The following TOPBP1 variants were observed in gnomAD, a reference collection of about 807,000 sequenced individuals.
TOPBP1 encodes the protein DNA topoisomerase II binding protein 1.
In TOPBP1, 28 loss-of-function variants were observed where a neutral mutation model predicts 167.7. That is an observed-to-expected ratio of 0.17 (90% CI 0.12 to 0.23). The LOEUF (loss-of-function observed/expected upper bound fraction) is 0.23. Among genes scored for constraint, TOPBP1 ranks in the 10% least tolerant of loss-of-function variants. The pLI is 1.00. For synonymous variants in TOPBP1, 598 were observed against 611.4 expected, an observed-to-expected ratio of 0.98 and a Z score of 0.32; for missense variants, 1,554 against 1,809.6, an observed-to-expected ratio of 0.86 and a Z score of 2.56.
At chr3:133,629,353 A>G (rs1050920633) in intron 14 of TOPBP1, among the ~76,000 whole-genome samples, 1 of 152,196 alleles carries the variant, frequency 6.6e-6, no homozygotes, top group African/African-American at 2.4e-5. Context: ...AGTCTTTTGC[A>G]AGTATAATGA....
At position 133,654,652 on chromosome 3, in the gene TOPBP1, T is replaced by G. The variant is rs62282426; in HGVS notation, c.742+638A>C. ...TTAACAAAACTCATCTTTTATCAAT[T>G]TGTGTATATTTTAAGAGTGCTGATA... On this transcript the variant is annotated intron_variant, in intron 6 of 27. Transcript: ENST00000260810. Among the ~76,000 whole-genome samples the G allele has an allele frequency of 6.2e-3, 949 of 152,314 alleles. 1 individual carries two copies. Among genetic ancestry groups the G allele is most frequent in the Non-Finnish European group, 0.01 (706 of 68,024 alleles).
rs1209584532 is a variant in TOPBP1, at chr3:133,623,365, G to A, written c.3021C>T (p.Gly1007=). 2 of 1,613,388 alleles carry A rather than the reference G, an allele frequency of 1.2e-6. No homozygotes were observed. Among genetic ancestry groups the A allele is most frequent in the African/African-American group, 1.3e-5 (1 of 75,020 alleles). ...MSLDISAVQD[G]RLCNSRLLSA... ...AGAGTAGTCGACTATTACAGAGCCGGCCATCTTGCACTGCGCTGATATCCA... is the reference window on the plus strand; with the variant it reads ...AGAGTAGTCGACTATTACAGAGCCGACCATCTTGCACTGCGCTGATATCCA... The change falls in exon 18 of 28, where the codon GGC becomes GGT. Residue 1007 remains glycine (G), a synonymous_variant. Coordinates refer to ENST00000260810, the MANE Select transcript of TOPBP1 (RefSeq NM_007027.4).
At chr3:133,659,570 T>C (rs983371474) in intron 2 of TOPBP1, among the ~76,000 whole-genome samples, 2 of 152,148 alleles carry the variant, frequency 1.3e-5, no homozygotes, top group Non-Finnish European at 2.9e-5. Context: ...AAGCCAACCA[T>C]AACCTCATTT....
In TOPBP1 at chr3:133,608,885, T is replaced by C; in HGVS notation, c.4251A>G (p.Ser1417=). Residue 1417 remains serine, a synonymous_variant, in exon 26 of 28, where the codon TCA becomes TCG. Transcript: ENST00000260810. Reference sequence around the variant, plus strand: ...ATTTGATACAAACCTTTGCTCCTCCTGACTGAAGAAGGCGTTTGAAGCCTG... The same window carrying C: ...ATTTGATACAAACCTTTGCTCCTCCCGACTGAAGAAGGCGTTTGAAGCCTG... The part of the protein sequence containing the change: ...REAGFKRLLQ[S]GGAKVLPGHS... The C allele has an allele frequency of 1.2e-6, 2 of 1,612,278 alleles. No individual in the cohort carries two copies.
rs1934584748 is a variant in TOPBP1 at position 133,608,867 on chromosome 3, A to G, written c.4263+6T>C. 1.2e-6 allele frequency: 2 copies of G among 1,606,270 alleles called. No homozygotes were observed. Among genetic ancestry groups the G allele is most frequent in the South Asian group, 2.2e-5 (2 of 89,118 alleles). On this transcript the variant is annotated splice_donor_region_variant and intron_variant, in intron 26 of 27. Coordinates refer to ENST00000260810, the MANE Select transcript of TOPBP1 (RefSeq NM_007027.4). ...AAAAAGGTCAGTAAATTAATTTGATACAAACCTTTGCTCCTCCTGACTGAA... is the reference window on the plus strand; with the variant it reads ...AAAAAGGTCAGTAAATTAATTTGATGCAAACCTTTGCTCCTCCTGACTGAA...
chr3:133,647,384 C>G (rs954410337), intron 10 of TOPBP1, among the ~76,000 whole-genome samples: 5 of 152,160 alleles, frequency 3.3e-5, no homozygotes, highest in Non-Finnish European at 5.9e-5. Context: ...TCTGGGGTAA[C>G]AAACCCCTAC....
At chr3:133,618,581 C>A in intron 20 of TOPBP1, 148 bp from the exon 21 acceptor site, 1 of 623,246 alleles carries the variant, frequency 1.6e-6, no homozygotes, top group South Asian at 3.6e-5. Flanking sequence ...AATAAATGAA[C>A]CTAGGGACAT....
At chr3:133,613,537 A>C (rs1401772645) in intron 23 of TOPBP1, among the ~76,000 whole-genome samples, 2 of 152,228 alleles carry the variant, frequency 1.3e-5, no homozygotes, top group African/African-American at 4.8e-5. Flanking sequence ...ATTTTTTATG[A>C]GTGGAAATAA....
intron 20 of TOPBP1, among the ~76,000 whole-genome samples, chr3:133,618,997 G>T (rs1331150010): frequency 6.6e-6 from 1 of 151,016 alleles, no homozygotes; most frequent in Non-Finnish European, 1.5e-5. Flanking sequence ...TTTATGGTGC[G>T]ATTGTAATGA....
At chr3:133,610,838 C>G (rs982219094) in intron 25 of TOPBP1, among the ~76,000 whole-genome samples, 166 bp downstream of exon 25, 3 of 151,800 alleles carry the variant, frequency 2.0e-5, no homozygotes, top group African/African-American at 7.3e-5. Context: ...GCAATATGGG[C>G]CACATTTTAC....
At chr3:133,627,740 C>T (rs1242058111) in intron 16 of TOPBP1, among the ~76,000 whole-genome samples, 5 of 152,116 alleles carry the variant, frequency 3.3e-5, no homozygotes, top group Admixed American at 6.6e-5. Flanking sequence ...GGAGTACAGT[C>T]AACTCAGGAC....
At chr3:133,650,365 G>GTGTGT (rs1936247396) in intron 8 of TOPBP1, among the ~76,000 whole-genome samples, 1 of 111,692 alleles carries the variant, frequency 9.0e-6, no homozygotes, top group African/African-American at 3.3e-5. Context: ...GTGTGTGTGT[G>GTGTGT]GGGGGCGGGG....
chr3:133,604,338 T>C (rs188955682), intron 27 of TOPBP1, among the ~76,000 whole-genome samples: 1 of 151,760 alleles, frequency 6.6e-6, no homozygotes, highest in East Asian at 1.9e-4. Flanking sequence ...GGTTTCGCTA[T>C]GTTGGCCAGG....
chr3:133,635,682 C>CTACT (rs770796802), intron 14 of TOPBP1, among the ~76,000 whole-genome samples: 1 of 152,190 alleles, frequency 6.6e-6, no homozygotes, highest in Non-Finnish European at 1.5e-5. Flanking sequence ...ACTCAACACA[C>CTACT]TACTGGTGGA....
At chr3:133,653,811 T>G (rs1269052453) in intron 6 of TOPBP1, among the ~76,000 whole-genome samples, 1 of 152,044 alleles carries the variant, frequency 6.6e-6, no homozygotes, top group East Asian at 1.9e-4. Context: ...TTTGTATTTT[T>G]AGTAGACACG....
chr3:133,641,426 C>T (rs1053718849), intron 12 of TOPBP1, among the ~76,000 whole-genome samples: 3 of 152,100 alleles, frequency 2.0e-5, no homozygotes, highest in Non-Finnish European at 1.5e-5. Flanking sequence ...AGTACAGTGG[C>T]GCCACTGTGA....
Position 133,618,241 on chromosome 3 carries a change from AG to A in TOPBP1, c.3563del (p.Pro1188LeufsTer20). The A allele has an allele frequency of 6.2e-7, 1 of 1,613,958 alleles. No individual in the cohort carries two copies. The highest frequency in any genetic ancestry group is 8.5e-7 in the Non-Finnish European group (1 of 1,179,832). ...GTTTAGCAATTTCTGAATCATGTAAAGGCTTTTGAAAAGGAGAATCCTCCAA... is the reference window on the plus strand; with the variant it reads ...GTTTAGCAATTTCTGAATCATGTAAAGCTTTTGAAAAGGAGAATCCTCCAA... ...QNLEDSPFQK[P>X]LHDSEIAKQA... is the part of the protein sequence containing the mutation. On this transcript the variant is annotated frameshift_variant, in exon 21 of 28. Transcript: ENST00000260810. LOFTEE classifies it high-confidence loss of function.
intron 13 of TOPBP1, among the ~76,000 whole-genome samples, chr3:133,638,561 C>T (rs1016004236): frequency 6.6e-6 from 1 of 152,166 alleles, no homozygotes; most frequent in Non-Finnish European, 1.5e-5. Flanking sequence ...ATTACAGGTA[C>T]TCAGAGTTAA....
At chr3:133,633,647 C>G (rs564109962) in intron 14 of TOPBP1, among the ~76,000 whole-genome samples, 2 of 152,228 alleles carry the variant, frequency 1.3e-5, no homozygotes, top group South Asian at 4.1e-4. Flanking sequence ...TAAAAATTAG[C>G]CAGGTGTGGT....
Sources: gnomAD v4.1 joint callset for allele counts (sites outside exome capture counted in the v4.1 genomes callset) on GRCh38, gnomAD v4.1.1 for gene constraint, MANE v1.5 for transcripts, NCBI Gene and HGNC (gene_info 2026-07-23, HGNC 2026-07-21) for gene names.